The following TMEM276 variants were observed in gnomAD, a reference collection of about 807,000 sequenced individuals.
TMEM276 encodes the protein transmembrane protein 276.
chr8:144,464,359 C>T, the TMEM276 span: 4 of 1,611,550 alleles, frequency 2.5e-6, no homozygotes, highest in South Asian at 3.3e-5. Context: ...CATTGCCTGA[C>T]CAGCCACAGA....
At chr8:144,465,239 G>C in the TMEM276 span, 1 of 1,150,304 alleles carries the variant, frequency 8.7e-7, no homozygotes, top group Non-Finnish European at 1.1e-6. Flanking sequence ...GGCGCTGCAG[G>C]CCCACGCGGC....
the TMEM276 span, chr8:144,466,977 A>T: frequency 1.3e-6 from 2 of 1,596,074 alleles, no homozygotes; most frequent in East Asian, 2.2e-5. Flanking sequence ...GAGCCTGAGG[A>T]TGGGTCGGAA....
the TMEM276 span, chr8:144,463,921 G>A: frequency 1.4e-6 from 2 of 1,431,286 alleles, no homozygotes; most frequent in African/African-American, 1.4e-5. Flanking sequence ...ACGTGTCTGG[G>A]ACCCTGTCCC....
the TMEM276 span, chr8:144,464,828 G>T: frequency 3.7e-6 from 6 of 1,612,868 alleles, no homozygotes; most frequent in Admixed American, 1.0e-4. Flanking sequence ...GCTCACGGCT[G>T]CGTGCAGAGA....
At chr8:144,466,894 A>T in the TMEM276 span, 2 of 1,546,724 alleles carry the variant, frequency 1.3e-6, no homozygotes, top group African/African-American at 2.7e-5. Context: ...CCTCCCAGGG[A>T]GGGGCGGAGG....
At chr8:144,466,579 G>A in the TMEM276 span, 1 of 988,708 alleles carries the variant, frequency 1.0e-6, no homozygotes, top group Non-Finnish European at 1.3e-6. Flanking sequence ...CCCACGCCGA[G>A]GTTCCCGGGG....
the TMEM276 span, chr8:144,466,870 G>C: frequency 2.0e-6 from 3 of 1,535,968 alleles, no homozygotes; most frequent in Non-Finnish European, 2.6e-6. Flanking sequence ...CGCGGTGCGA[G>C]GGCGGTGCCG....
the TMEM276 span, chr8:144,466,435 T>G: frequency 8.9e-6 from 12 of 1,353,144 alleles, no homozygotes; most frequent in African/African-American, 1.5e-5. Context: ...CGCCTTTTAC[T>G]CGTTGCTCAT....
chr8:144,465,073 G>C, the TMEM276 span: 1 of 1,528,136 alleles, frequency 6.5e-7, no homozygotes, highest in African/African-American at 1.4e-5. Flanking sequence ...AGACTTTCCG[G>C]ATCCCTGAGG....
chr8:144,465,497 G>C, the TMEM276 span: 2 of 954,776 alleles, frequency 2.1e-6, no homozygotes, highest in Non-Finnish European at 2.5e-6. Flanking sequence ...CGAGAGGAGC[G>C]GAGGCTAGAG....
At chr8:144,464,950 A>C in the TMEM276 span, 1 of 1,598,648 alleles carries the variant, frequency 6.3e-7, no homozygotes, top group Non-Finnish European at 8.5e-7. Context: ...GAGATACTCA[A>C]CTTTGGAGAG....
At chr8:144,466,359 G>T in the TMEM276 span, 1 of 659,206 alleles carries the variant, frequency 1.5e-6, no homozygotes. Flanking sequence ...GGCGGGCGCC[G>T]AGTCTGGGCG....
chr8:144,465,345 G>A, the TMEM276 span: 34 of 1,088,600 alleles, frequency 3.1e-5, no homozygotes, highest in African/African-American at 5.4e-4. Context: ...CCAGCCGTGC[G>A]CAGTTACCGG....
At chr8:144,466,494 C>T in the TMEM276 span, 3 of 1,314,696 alleles carry the variant, frequency 2.3e-6, no homozygotes, top group Non-Finnish European at 2.9e-6. Flanking sequence ...CCGCGGCGGC[C>T]GCGGAGCCCG....
At chr8:144,465,258 C>G in the TMEM276 span, 4 of 1,123,686 alleles carry the variant, frequency 3.6e-6, no homozygotes, top group Non-Finnish European at 4.5e-6. Flanking sequence ...GCGGCCTCGG[C>G]CTGCTCCCTG....
At chr8:144,464,267 C>T in the TMEM276 span, 3 of 1,613,300 alleles carry the variant, frequency 1.9e-6, no homozygotes, top group Non-Finnish European at 2.5e-6. Flanking sequence ...CCTGCCACAC[C>T]CAGCATCGCC....
the TMEM276 span, chr8:144,466,490 C>G: frequency 7.6e-7 from 1 of 1,321,632 alleles, no homozygotes; most frequent in Non-Finnish European, 9.7e-7. Flanking sequence ...GGCGCCGCGG[C>G]GGCCGCGGAG....
chr8:144,466,500 GC>G, the TMEM276 span: 1 of 1,307,684 alleles, frequency 7.6e-7, no homozygotes, highest in Non-Finnish European at 9.8e-7. Flanking sequence ...CGGCCGCGGA[GC>G]CCGGGGACCC....
the TMEM276 span, chr8:144,465,296 C>T: frequency 8.9e-7 from 1 of 1,126,624 alleles, no homozygotes; most frequent in Non-Finnish European, 1.1e-6. Context: ...TCCTGGGAAC[C>T]CGGGTCCAGG....
Sources: gnomAD v4.1 joint callset for allele counts on GRCh38, gnomAD v4.1.1 for gene constraint, MANE v1.5 for transcripts, NCBI Gene and HGNC (gene_info 2026-07-23, HGNC 2026-07-21) for gene names.